SKAP2: variants seen among roughly 807,000 people sequenced by gnomAD.
The protein encoded by SKAP2 is src kinase-associated phosphoprotein 2.
Under a neutral mutation model 54.9 loss-of-function variants are expected in SKAP2, and 28 were observed. The ratio of observed to expected loss-of-function variants is 0.51; its 90% CI spans 0.38 to 0.70. The LOEUF is 0.70. SKAP2 is among the 30% of genes least tolerant of loss of function. The probability of loss-of-function intolerance (pLI) is 0.00; values close to 1 mark genes in which losing one functional copy is unlikely to be tolerated. For synonymous variants in SKAP2, 137 were observed against 134.3 expected (o/e 1.02, Z -0.14); for missense variants, 356 against 424.1 (o/e 0.84, Z 1.41).
At chr7:26,844,004 G>C (rs778468336) in intron 4 of SKAP2, 26 bp downstream of exon 4, 4 of 1,361,204 alleles carry the variant, frequency 2.9e-6, no homozygotes, top group Non-Finnish European at 4.2e-6. Flanking sequence ...GTGAGTGTCA[G>C]AGTTACGTGG....
intron 3 of SKAP2, among the ~76,000 whole-genome samples, chr7:26,844,807 C>T (rs1246209887): frequency 6.6e-6 from 1 of 152,006 alleles, no homozygotes; most frequent in African/African-American, 2.4e-5. Context: ...CAGTTTCATT[C>T]AATGGTATGT....
intron 3 of SKAP2, among the ~76,000 whole-genome samples, chr7:26,845,608 A>G (rs544038024): frequency 3.3e-5 from 5 of 152,336 alleles, no homozygotes; most frequent in South Asian, 2.1e-4. Flanking sequence ...AGAACACTCA[A>G]TGATCCCTTA....
At chr7:26,773,166 C>T (rs1271049103) in intron 4 of SKAP2, among the ~76,000 whole-genome samples, 1 of 152,220 alleles carries the variant, frequency 6.6e-6, no homozygotes, top group African/African-American at 2.4e-5. Context: ...CTAGCAGCCA[C>T]ACAACATTAC....
At chr7:26,677,815 T>C (rs1372394317) in intron 11 of SKAP2, among the ~76,000 whole-genome samples, 1 of 152,236 alleles carries the variant, frequency 6.6e-6, no homozygotes, top group Non-Finnish European at 1.5e-5. Context: ...TTTGCATGAG[T>C]GTTCACCAAA....
chr7:26,774,122 G>A (rs1779442578), intron 4 of SKAP2, among the ~76,000 whole-genome samples: 1 of 152,096 alleles, frequency 6.6e-6, no homozygotes, highest in African/African-American at 2.4e-5. Flanking sequence ...AGATCAGCCT[G>A]GCCAACATGG....
At chr7:26,785,036 A>G (rs1783512319) in intron 4 of SKAP2, among the ~76,000 whole-genome samples, 1 of 152,174 alleles carries the variant, frequency 6.6e-6, no homozygotes, top group Non-Finnish European at 1.5e-5. Context: ...AAATTTTCAT[A>G]ATAAAATGTT....
intron 4 of SKAP2, among the ~76,000 whole-genome samples, chr7:26,832,246 T>C (rs1004872172): frequency 1.3e-5 from 2 of 152,206 alleles, no homozygotes; most frequent in African/African-American, 2.4e-5. Flanking sequence ...ACTGTAGTCC[T>C]TTTACAGGAA....
intron 10 of SKAP2, among the ~76,000 whole-genome samples, chr7:26,688,588 C>T (rs1786701323): frequency 6.6e-6 from 1 of 152,140 alleles, no homozygotes; most frequent in Non-Finnish European, 1.5e-5. Flanking sequence ...CACTTCTATG[C>T]AAAAGCATTA....
the SKAP2 span, among the ~76,000 whole-genome samples, chr7:26,660,126 G>T: frequency 6.6e-6 from 1 of 152,000 alleles, no homozygotes; most frequent in Admixed American, 6.6e-5. Context: ...TGGCACACTT[G>T]AATAATGTGA....
At chr7:26,666,504 T>G (rs973477519), downstream of SKAP2, among the ~76,000 whole-genome samples, 1 of 152,148 alleles carries the variant, frequency 6.6e-6, no homozygotes, top group Non-Finnish European at 1.5e-5. Flanking sequence ...AACAGTTGAA[T>G]GGATGCCCTA....
intron 4 of SKAP2, among the ~76,000 whole-genome samples, chr7:26,809,220 C>T (rs1408425595): frequency 6.6e-6 from 1 of 152,080 alleles, no homozygotes; most frequent in Non-Finnish European, 1.5e-5. Context: ...TTGAGACCAG[C>T]CTGACCAATA....
chr7:26,720,331 C>G (rs956304690), intron 9 of SKAP2, among the ~76,000 whole-genome samples: 3 of 152,112 alleles, frequency 2.0e-5, no homozygotes, highest in African/African-American at 7.2e-5. Context: ...TAGAGAAAAG[C>G]TACAAGACAG....
At chr7:26,855,029 A>T (rs1305882815) in intron 1 of SKAP2, 139 bp from the exon 2 acceptor site, 4 of 578,466 alleles carry the variant, frequency 6.9e-6, no homozygotes, top group Non-Finnish European at 1.2e-5. Context: ...ATTCCAAAGC[A>T]TAACAGTTGA....
intron 1 of SKAP2, chr7:26,857,743 T>C (rs1004397182): frequency 3.0e-6 from 3 of 985,134 alleles, no homozygotes; most frequent in Non-Finnish European, 3.6e-6. Flanking sequence ...TCTGTGGCTT[T>C]GTAGCTCAGA....
chr7:26,656,201 G>T, the SKAP2 span, among the ~76,000 whole-genome samples: 2 of 152,170 alleles, frequency 1.3e-5, no homozygotes, highest in Non-Finnish European at 2.9e-5. Flanking sequence ...CCTCAGTACA[G>T]CTGGAAAACA....
chr7:26,712,919 A>G (rs1224030435), intron 9 of SKAP2, among the ~76,000 whole-genome samples: 5 of 152,204 alleles, frequency 3.3e-5, no homozygotes, highest in African/African-American at 1.2e-4. Flanking sequence ...CATCTCATAA[A>G]CAGCATCTGA....
intron 4 of SKAP2, among the ~76,000 whole-genome samples, chr7:26,835,874 G>C (rs571590603): frequency 6.6e-6 from 1 of 152,082 alleles, no homozygotes; most frequent in African/African-American, 2.4e-5. Context: ...AAAAGAGCCC[G>C]TATAGCCAAG....
chr7:26,809,029 A>C (rs1353741476), intron 4 of SKAP2, among the ~76,000 whole-genome samples: 1 of 152,250 alleles, frequency 6.6e-6, no homozygotes, highest in African/African-American at 2.4e-5. Flanking sequence ...ATAGGAGAAA[A>C]TATTTGCAAA....
intron 4 of SKAP2, among the ~76,000 whole-genome samples, chr7:26,843,205 GCA>G (rs887290293): frequency 8.6e-5 from 13 of 152,016 alleles, no homozygotes; most frequent in African/African-American, 2.9e-4. Context: ...AGATGGAACT[GCA>G]CAGTTTGATC....
Sources: gnomAD v4.1 joint callset for allele counts (sites outside exome capture counted in the v4.1 genomes callset) on GRCh38, gnomAD v4.1.1 for gene constraint, MANE v1.5 for transcripts, NCBI Gene and HGNC (gene_info 2026-07-23, HGNC 2026-07-21) for gene names.